The following WNT2B variants were observed in gnomAD, a reference collection of about 807,000 sequenced individuals.
WNT2B encodes Wnt family member 2B, also known as protein Wnt-2b.
In WNT2B, 19 loss-of-function variants were observed where a neutral mutation model predicts 40.5. That is an observed-to-expected ratio of 0.47 (90% CI 0.33 to 0.69). The LOEUF (loss-of-function observed/expected upper bound fraction) is 0.69, where lower values mean the gene tolerates loss of function less well. Among genes scored for constraint, WNT2B ranks in the 30% least tolerant of loss-of-function variants. The probability of loss-of-function intolerance (pLI) is 0.02; values close to 1 mark genes in which losing one functional copy is unlikely to be tolerated. For synonymous variants in WNT2B, 220 were observed against 211.9 expected, an observed-to-expected ratio of 1.04 and a Z score of -0.33; for missense variants, 467 against 556.4, an observed-to-expected ratio of 0.84 and a Z score of 1.62.
intron 1 of WNT2B, among the ~76,000 whole-genome samples, chr1:112,484,246 C>CATATATATACACATATATATACACAT (rs1651332723): frequency 2.6e-5 from 3 of 116,730 alleles, no homozygotes; most frequent in Admixed American, 9.6e-5. Context: ...TATATATACA[C>CATATATATACACATATATATACACAT]ATATATATAC....
intron 1 of WNT2B, among the ~76,000 whole-genome samples, chr1:112,480,365 CAAAA>C (rs10709816): frequency 1.1e-5 from 1 of 91,652 alleles, no homozygotes; most frequent in Admixed American, 1.1e-4. Context: ...GACTCCGTCT[CAAAA>C]AAAAAAAAAA....
At chr1:112,508,843 T>A, upstream of WNT2B, 1 of 999,474 alleles carries the variant, frequency 1.0e-6, no homozygotes, top group Non-Finnish European at 1.2e-6. This position sits in a 1 kb window ranked among gnomAD's most constrained non-coding sequence, Gnocchi z 4.2. Flanking sequence ...CTGCTACACC[T>A]AGGGCGTCGC....
Position 112,498,074 on chromosome 1 carries a change from T to G in WNT2B, c.-94-16800T>G, listed in dbSNP as rs192865378. ...ATTTGTCCTAACGATCTCTGTCCCCTTTCCCCCCCAACCCCCGATAGGCCC... is the reference window on the plus strand; with the variant it reads ...ATTTGTCCTAACGATCTCTGTCCCCGTTCCCCCCCAACCCCCGATAGGCCC... On this transcript the variant is annotated intron_variant, in intron 1 of 4. Coordinates refer to the WNT2B transcript ENST00000256640. Among the ~76,000 whole-genome samples, 9 of 150,654 alleles carry G rather than the reference T, an allele frequency of 6.0e-5. No homozygotes were observed. The East Asian group carries it at 1.2e-3, about 20-fold the overall frequency.
At position 112,515,327 on chromosome 1, in the gene WNT2B, T is replaced by TC. The variant is rs1652487459; in HGVS notation, c.403+236dup. Among the ~76,000 whole-genome samples the TC allele has an allele frequency of 6.6e-6, 1 of 152,154 alleles. No homozygotes were observed. The highest frequency in any genetic ancestry group is 2.1e-4 in the South Asian group (1 of 4,834). On this transcript the variant is annotated intron_variant, in intron 2 of 4. Coordinates refer to ENST00000369684, the MANE Select transcript of WNT2B (RefSeq NM_024494.3). This position sits in a 1 kb window ranked among gnomAD's most constrained non-coding sequence, Gnocchi z 4.4. ...CTGGGACAAGACCAAGGTAAAGCATTCCCTAGAACCTCCATCTTTCTCCCT... is the reference window on the plus strand; with the variant it reads ...CTGGGACAAGACCAAGGTAAAGCATTCCCCTAGAACCTCCATCTTTCTCCCT...
intron 1 of WNT2B, among the ~76,000 whole-genome samples, chr1:112,486,132 A>AACACACACAC (rs71584737): frequency 2.2e-3 from 318 of 143,842 alleles, no homozygotes; most frequent in East Asian, 4.2e-3. Context: ...ATGAGTTTTT[A>AACACACACAC]ACACACACAC....
Position 112,520,894 on chromosome 1 carries a change from T to G in WNT2B, c.*385T>G, listed in dbSNP as rs1172811679. 5.1e-6 allele frequency: 1 copy of G among 197,776 alleles called. No individual in the cohort carries two copies. Among genetic ancestry groups the G allele is most frequent in the East Asian group, 1.3e-4 (1 of 7,992 alleles). The allele number at this position is 197,776 out of a possible 1,614,324, so 12.3% of individuals were successfully genotyped here. ...AAGGGTACCTGTAGAGAGCTTCTTT[T>G]TGTTTCTACCTGGCCAAAGTTAGAT... On this transcript the variant is annotated 3_prime_UTR_variant, in exon 5 of 5. Coordinates refer to ENST00000369684, the MANE Select transcript of WNT2B (RefSeq NM_024494.3).
rs1302848451 is a variant in WNT2B at position 112,484,268 on chromosome 1, T to TAC, written c.-95+16681_-95+16682dup. ...ACACATATATATACACATATATATA[T>TAC]ACACATATATATATATATATATACA... is the stretch of plus-strand genomic sequence containing the variant. On this transcript the variant is annotated intron_variant, in intron 1 of 4. Transcript: ENST00000256640. Among the ~76,000 whole-genome samples the TAC allele has an allele frequency of 9.8e-4, 60 of 61,158 alleles. No individual in the cohort carries two copies. The East Asian group carries it at 0.065, about 66-fold the overall frequency. The allele number at this position is 61,158 out of a possible 152,430, so 40.1% of individuals were successfully genotyped here. A position where few individuals can be genotyped will look rare whatever the true frequency, so the allele number is the denominator to read the frequency against.
At chr1:112,494,418 G>C (rs887759144) in intron 1 of WNT2B, among the ~76,000 whole-genome samples, 3 of 151,316 alleles carry the variant, frequency 2.0e-5, no homozygotes, top group Admixed American at 1.3e-4. Context: ...ACCCAGGCTA[G>C]AGTACAGTGG....
In WNT2B at chr1:112,521,183, T is replaced by C. The variant is rs990371368; in HGVS notation, c.*674T>C. 2 of 152,530 alleles carry C rather than the reference T, an allele frequency of 1.3e-5. No homozygotes were observed. Among genetic ancestry groups the C allele is most frequent in the African/African-American group, 4.8e-5 (2 of 41,444 alleles). The allele number at this position is 152,530 out of a possible 1,614,324, so 9.4% of individuals were successfully genotyped here. On this transcript the variant is annotated 3_prime_UTR_variant, in exon 5 of 5. Coordinates refer to ENST00000369684, the MANE Select transcript of WNT2B (RefSeq NM_024494.3). ...CCTGTATTGGACAGCACTGCCTCTT[T>C]TGCTTACTTGCTGCCTGTTCAAACT... is the stretch of plus-strand genomic sequence containing the variant.
chr1:112,519,687 C>T (rs999477305), intron 4 of WNT2B, among the ~76,000 whole-genome samples: 3 of 152,094 alleles, frequency 2.0e-5, no homozygotes, highest in African/African-American at 7.2e-5. Context: ...TAGGAATATG[C>T]CTCCAGCCAG....
At chr1:112,467,430 G>A in exon 1 of WNT2B, 1 of 689,278 alleles carries the variant, frequency 1.5e-6, no homozygotes, top group Non-Finnish European at 2.7e-6. Flanking sequence ...ACCCTGAAGA[G>A]CCCAAGCAAT....
rs536252769 is a variant in WNT2B at position 112,471,604 on chromosome 1, T to C, written c.-95+4013T>C. Among the ~76,000 whole-genome samples, 4 of 152,334 alleles carry C rather than the reference T, an allele frequency of 2.6e-5. No individual in the cohort carries two copies. In the East Asian group the frequency reaches 7.7e-4, roughly 29 times the overall value. On this transcript the variant is annotated intron_variant, in intron 1 of 4. Coordinates refer to the WNT2B transcript ENST00000256640. Reference sequence around the variant, plus strand: ...GTTTGCCGTCACTTCCATGAGTTTATGCTAGCCACGCCAATAGGAATAGCT... The same window carrying C: ...GTTTGCCGTCACTTCCATGAGTTTACGCTAGCCACGCCAATAGGAATAGCT...
Position 112,526,180 on chromosome 1 carries a change from T to G in WNT2B, c.*5671T>G. 1 of 1,602,594 alleles carries G rather than the reference T, an allele frequency of 6.2e-7. No homozygotes were observed. The highest frequency in any genetic ancestry group is 8.5e-7 in the Non-Finnish European group (1 of 1,174,418). ...GTCCCAGGACAGCCAAGAGAGTATA[T>G]CTGAGCACAGTTTACAAAGGAACAG... On this transcript the variant is annotated 3_prime_UTR_variant, in exon 5 of 5. Coordinates refer to ENST00000369684, the MANE Select transcript of WNT2B (RefSeq NM_024494.3).
chr1:112,478,757 C>A (rs553266358), intron 1 of WNT2B, among the ~76,000 whole-genome samples: 52 of 151,864 alleles, frequency 3.4e-4, no homozygotes, highest in Non-Finnish European at 2.6e-4. Context: ...CTCATCTCCA[C>A]AAAAAAAATT....
intron 1 of WNT2B, among the ~76,000 whole-genome samples, chr1:112,470,441 T>C (rs1028047374): frequency 7.2e-5 from 11 of 151,870 alleles, no homozygotes; most frequent in African/African-American, 2.7e-4. Context: ...ATATAAAAAT[T>C]AGCCAGGTGT....
intron 1 of WNT2B, among the ~76,000 whole-genome samples, chr1:112,492,042 C>A (rs780276804): frequency 6.6e-6 from 1 of 151,456 alleles, no homozygotes; most frequent in African/African-American, 2.4e-5. Context: ...TGACAAGTCA[C>A]GTAAATAAAA....
chr1:112,482,775 T>A (rs561285654), intron 1 of WNT2B, among the ~76,000 whole-genome samples: 2 of 152,072 alleles, frequency 1.3e-5, no homozygotes, highest in Non-Finnish European at 2.9e-5. Context: ...TTATAAAACA[T>A]TGAAGGAAAT....
At position 112,529,862 on chromosome 1, in the gene WNT2B, T is replaced by G. The variant is rs1399348948; in HGVS notation, c.*9353T>G. 6.6e-6 allele frequency: 1 copy of G among 152,194 alleles called. No homozygotes were observed. Among genetic ancestry groups the G allele is most frequent in the Non-Finnish European group, 1.5e-5 (1 of 68,042 alleles). 9.4% of individuals were successfully genotyped at this position (152,194 alleles called of 1,614,324 possible). ...GAACTGGGGTTTACTTACATCTTTT[T>G]TCTGGGAACCTAATGTTAGCAGACA... is the stretch of plus-strand genomic sequence containing the variant. On this transcript the variant is annotated 3_prime_UTR_variant, in exon 5 of 5. Transcript: ENST00000369684.
intron 1 of WNT2B, among the ~76,000 whole-genome samples, chr1:112,472,576 A>G (rs1479023643): frequency 2.7e-5 from 4 of 150,772 alleles, no homozygotes; most frequent in Non-Finnish European, 4.4e-5. Context: ...AAAAAAAAAG[A>G]CTCAAAAGGA....
Sources: allele counts gnomAD v4.1 joint callset (sites outside exome capture counted in the v4.1 genomes callset), GRCh38; gene constraint gnomAD v4.1.1; non-coding constraint Gnocchi (gnomAD v3.1); transcripts MANE v1.5; gene names NCBI Gene and HGNC (gene_info 2026-07-23, HGNC 2026-07-21).